BCAR3: variants seen among roughly 807,000 people sequenced by gnomAD.
BCAR3 encodes the protein BCAR3 adaptor protein, NSP family member, also known as breast cancer anti-estrogen resistance protein 3.
Under a neutral mutation model 80.1 loss-of-function variants are expected in BCAR3, and 37 were observed. That is an observed-to-expected ratio of 0.46 (90% CI 0.36 to 0.61). The LOEUF (loss-of-function observed/expected upper bound fraction) is 0.61. Ranked by LOEUF, BCAR3 falls within the 20% of genes least tolerant of loss-of-function variation. The pLI is 0.00. For synonymous variants in BCAR3, 389 were observed against 418.9 expected (o/e 0.93, Z 0.87); for missense variants, 978 against 1,068.2 (o/e 0.92, Z 1.18).
Position 93,674,634 on chromosome 1 carries a change from G to A in BCAR3, c.297C>T (p.His99=), listed in dbSNP as rs376407020. 81 of 1,613,292 alleles carry A rather than the reference G, an allele frequency of 5.0e-5. No homozygotes were observed. The highest frequency in any genetic ancestry group is 1.7e-4 in the African/African-American group (13 of 74,860). ...GTTACCTGAAGGTGAAGGTTTCGCC[G>A]TGCCGGTCCTGCCATGGGCTCTCCT... is the stretch of plus-strand genomic sequence containing the variant. The part of the protein sequence containing the change: ...GIQESPWQDR[H]GETFTFRDPH... Residue 99 remains histidine, a synonymous_variant, in exon 2 of 12, where the codon CAC becomes CAT. Coordinates refer to ENST00000260502, the MANE Select transcript of BCAR3 (RefSeq NM_003567.4).
chr1:93,621,548 T>C (rs1675312386), intron 3 of BCAR3, among the ~76,000 whole-genome samples: 1 of 152,148 alleles, frequency 6.6e-6, no homozygotes, highest in African/African-American at 2.4e-5. Context: ...GCTGGCCACC[T>C]TGCACACACC....
At chr1:93,596,983 G>A (rs754952295) in intron 3 of BCAR3, among the ~76,000 whole-genome samples, 1 of 152,124 alleles carries the variant, frequency 6.6e-6, no homozygotes, top group African/African-American at 2.4e-5. Flanking sequence ...TCATTCTAGG[G>A]ACCAAATCTA....
chr1:93,700,328 G>A (rs1317742036), intron 3 of BCAR3, among the ~76,000 whole-genome samples: 1 of 151,948 alleles, frequency 6.6e-6, no homozygotes, highest in Admixed American at 6.5e-5. Context: ...GAGTAGCTGG[G>A]ACCACAGGGG....
At chr1:93,739,711 A>C (rs1295539681) in intron 2 of BCAR3, among the ~76,000 whole-genome samples, 1 of 152,180 alleles carries the variant, frequency 6.6e-6, no homozygotes, top group Non-Finnish European at 1.5e-5. Flanking sequence ...AGGGGATGGA[A>C]TATGCCTAAA....
At chr1:93,822,823 A>G (rs1409073649) in intron 2 of BCAR3, among the ~76,000 whole-genome samples, 2 of 80,012 alleles carry the variant, frequency 2.5e-5, no homozygotes, top group Admixed American at 2.9e-4. Context: ...CTACCCATCA[A>G]CTCATCACCA....
chr1:93,783,259 G>A (rs1243370150), intron 2 of BCAR3, among the ~76,000 whole-genome samples: 1 of 152,164 alleles, frequency 6.6e-6, no homozygotes, highest in Non-Finnish European at 1.5e-5. Flanking sequence ...AATCGTTATA[G>A]GGGGCTTTCC....
rs187757404 is a variant in BCAR3 at position 93,660,375 on chromosome 1, T to G, written c.317+14239A>C. On this transcript the variant is annotated intron_variant, in intron 2 of 11. Coordinates refer to ENST00000260502, the MANE Select transcript of BCAR3 (RefSeq NM_003567.4). ...GATACTGTGAGAGGCTGGCTGATCT[T>G]GTTGAAAATGAATCTCTCTGAACAT... Among the ~76,000 whole-genome samples the G allele has an allele frequency of 2.0e-5, 3 of 152,252 alleles. No homozygotes were observed. In the East Asian group the frequency reaches 5.8e-4, roughly 29 times the overall value.
intron 3 of BCAR3, among the ~76,000 whole-genome samples, chr1:93,622,771 C>A (rs1159350408): frequency 1.3e-5 from 2 of 152,162 alleles, no homozygotes; most frequent in Admixed American, 1.3e-4. Flanking sequence ...ATGCTGTCTG[C>A]AGGAGTGACA....
At chr1:93,821,633 A>G (rs539998266) in intron 2 of BCAR3, among the ~76,000 whole-genome samples, 119 of 152,332 alleles carry the variant, frequency 7.8e-4, no homozygotes, top group Admixed American at 1.3e-3. Context: ...TTGTGTCTAC[A>G]GTTGTCCCTC....
intron 2 of BCAR3, among the ~76,000 whole-genome samples, chr1:93,668,009 T>C (rs989112193): frequency 2.0e-5 from 3 of 152,218 alleles, no homozygotes; most frequent in Non-Finnish European, 4.4e-5. Context: ...CACCTCTGTT[T>C]ACAAGGTGTT....
intron 2 of BCAR3, among the ~76,000 whole-genome samples, chr1:93,736,228 C>T (rs544748714): frequency 9.8e-5 from 15 of 152,298 alleles, no homozygotes; most frequent in East Asian, 1.9e-4. Context: ...ACTCTTGTTG[C>T]CCAAGCTGGA....
chr1:93,649,474 T>C (rs1676254562), intron 2 of BCAR3, among the ~76,000 whole-genome samples: 1 of 151,064 alleles, frequency 6.6e-6, no homozygotes, highest in African/African-American at 2.4e-5. Flanking sequence ...TTAGGAAGTG[T>C]GGTGAGTGTT....
chr1:93,847,896 A>AGCGGCGGCG (rs533240277), upstream of BCAR3: 45 of 242,300 alleles, frequency 1.9e-4, 2 homozygotes, highest in East Asian at 3.2e-4. Context: ...TCCTGAGAAG[A>AGCGGCGGCG]GCGGCGGCGG....
At chr1:93,829,596 T>C (rs948703660) in intron 2 of BCAR3, among the ~76,000 whole-genome samples, 1 of 152,008 alleles carries the variant, frequency 6.6e-6, no homozygotes, top group Non-Finnish European at 1.5e-5. Flanking sequence ...AACTCCTGTA[T>C]TACCTTGGCC....
At chr1:93,636,371 C>T (rs1411342878) in intron 3 of BCAR3, among the ~76,000 whole-genome samples, 2 of 152,188 alleles carry the variant, frequency 1.3e-5, no homozygotes, top group Non-Finnish European at 2.9e-5. Flanking sequence ...CCCACCAAGG[C>T]TGACTACAAA....
chr1:93,720,661 G>A (rs1650360893), intron 2 of BCAR3, among the ~76,000 whole-genome samples: 1 of 152,184 alleles, frequency 6.6e-6, no homozygotes, highest in South Asian at 2.1e-4. Context: ...TTGTGTGTTT[G>A]TTTTTTCCTA....
intron 2 of BCAR3, among the ~76,000 whole-genome samples, chr1:93,790,652 T>G (rs1189295149): frequency 1.7e-4 from 14 of 82,780 alleles, no homozygotes; most frequent in African/African-American, 3.4e-4. Context: ...TTTTTCTTAA[T>G]TTTTTTTTTT....
chr1:93,752,287 C>T (rs1651584984), intron 2 of BCAR3, among the ~76,000 whole-genome samples: 1 of 152,196 alleles, frequency 6.6e-6, no homozygotes, highest in South Asian at 2.1e-4. Flanking sequence ...CTATGACTAC[C>T]CAACTAGCCC....
intron 3 of BCAR3, among the ~76,000 whole-genome samples, chr1:93,695,801 G>T (rs1349969647): frequency 6.6e-6 from 1 of 152,090 alleles, no homozygotes; most frequent in Non-Finnish European, 1.5e-5. Flanking sequence ...TGGCTTTTCT[G>T]CTATATTTGA....
Sources: allele counts gnomAD v4.1 joint callset (sites outside exome capture counted in the v4.1 genomes callset), GRCh38; gene constraint gnomAD v4.1.1; transcripts MANE v1.5; gene names NCBI Gene and HGNC (gene_info 2026-07-23, HGNC 2026-07-21).